Variants in EPN1 observed in about 807,000 individuals in gnomAD.
EPN1 encodes epsin 1, also known as epsin-1.
Under a neutral mutation model 56.9 loss-of-function variants are expected in EPN1, and 25 were observed. The ratio of observed to expected loss-of-function variants is 0.44; its 90% CI spans 0.32 to 0.61. The LOEUF (loss-of-function observed/expected upper bound fraction) is 0.61. Ranked by LOEUF, EPN1 falls within the 20% of genes least tolerant of loss-of-function variation. The pLI, the probability that EPN1 is intolerant of heterozygous loss-of-function variation, is 0.05. For synonymous variants in EPN1, 411 were observed against 361.8 expected, an observed-to-expected ratio of 1.14 and a Z score of -1.54; for missense variants, 785 against 823.7, an observed-to-expected ratio of 0.95 and a Z score of 0.58.
rs762490629 is a variant in EPN1 at position 55,695,364 on chromosome 19, C to T, written c.*8C>T. ...AATCCCTTCCTCCTATAATCCAGGG[C>T]GGAAGGGGGCCTGGCTCCATCCGGC... On this transcript the variant is annotated 3_prime_UTR_variant, in exon 11 of 11. Coordinates refer to ENST00000270460, the MANE Select transcript of EPN1 (RefSeq NM_001130072.2). This position sits in a 1 kb window ranked among gnomAD's most constrained non-coding sequence, Gnocchi z 4.4. The T allele has an allele frequency of 1.9e-5, 27 of 1,434,438 alleles. No homozygotes were observed. Among genetic ancestry groups the T allele is most frequent in the Middle Eastern group, 1.8e-4 (1 of 5,454 alleles). 88.9% of individuals were successfully genotyped at this position (1,434,438 alleles called of 1,614,324 possible).
chr19:55,692,182 C>T (rs1192493972), intron 7 of EPN1, 125 bp downstream of exon 7: 2 of 923,772 alleles, frequency 2.2e-6, no homozygotes, highest in Non-Finnish European at 3.0e-6. Context: ...GTCCTGGGTG[C>T]AGGGGAGGGG....
rs1214447273 is a variant in EPN1, at chr19:55,689,646, C to T, written c.679-221C>T. 6.6e-6 allele frequency among the ~76,000 whole-genome samples: 1 copy of T among 152,220 alleles called. No individual in the cohort carries two copies. The highest frequency in any genetic ancestry group is 1.5e-5 in the Non-Finnish European group (1 of 68,024). ...TACCACCGAGGCGGGTGCCCGTCCT[C>T]CCCGGGTGCGCCAGCACAGCACCCC... On this transcript the variant is annotated intron_variant, in intron 5 of 10. Coordinates refer to ENST00000270460, the MANE Select transcript of EPN1 (RefSeq NM_001130072.2). The surrounding 1 kb of genome is among the most constrained non-coding windows in gnomAD (Gnocchi z 5.7).
chr19:55,708,456 T>C lies in EPN1; in HGVS notation c.*13100T>C, dbSNP rs1233301226. ...GTAGAGATTTGGAAATGCTTTTTTATTGGACAAGAAAATTGATCAAATCGA... is the reference window on the plus strand; with the variant it reads ...GTAGAGATTTGGAAATGCTTTTTTACTGGACAAGAAAATTGATCAAATCGA... On this transcript the variant is annotated 3_prime_UTR_variant, in exon 11 of 11. Transcript: ENST00000270460. 6.6e-6 allele frequency: 1 copy of C among 152,634 alleles called. No homozygotes were observed. Among genetic ancestry groups the C allele is most frequent in the Non-Finnish European group, 1.5e-5 (1 of 68,328 alleles). 9.5% of individuals were successfully genotyped at this position (152,634 alleles called of 1,614,324 possible). A position where few individuals can be genotyped will look rare whatever the true frequency, so the allele number is the denominator to read the frequency against.
Position 55,708,734 on chromosome 19 carries a change from C to T in EPN1, c.*13378C>T, listed in dbSNP as rs1600119929. The T allele has an allele frequency of 1.1e-5, 5 of 473,648 alleles. No homozygotes were observed. Among genetic ancestry groups the T allele is most frequent in the African/African-American group, 2.0e-5 (1 of 50,486 alleles). 29.3% of individuals were successfully genotyped at this position (473,648 alleles called of 1,614,324 possible). A position where few individuals can be genotyped will look rare whatever the true frequency, so the allele number is the denominator to read the frequency against. On this transcript the variant is annotated 3_prime_UTR_variant, in exon 11 of 11. Transcript: ENST00000270460. ...AGGGGATATAGGACCGAGGCAAAGA[C>T]AATCAGCATGTACACTGAATCACAC...
chr19:55,677,614 G>A (rs1163004949), intron 1 of EPN1: 16 of 1,551,510 alleles, frequency 1.0e-5, no homozygotes, highest in Non-Finnish European at 1.3e-5. Context: ...CGAGCACCTG[G>A]CACACAGCAG....
chr19:55,704,390 A>C lies in EPN1; in HGVS notation c.*9034A>C, dbSNP rs1295375612. ...AGGTAAGTAAGGTTAAAATGAGGACATTAGGGTGGGTCCTAATCCAATCTG... is the reference window on the plus strand; with the variant it reads ...AGGTAAGTAAGGTTAAAATGAGGACCTTAGGGTGGGTCCTAATCCAATCTG... On this transcript the variant is annotated 3_prime_UTR_variant, in exon 11 of 11. Transcript: ENST00000270460. 2.0e-5 allele frequency: 3 copies of C among 152,246 alleles called. No individual in the cohort carries two copies. The highest frequency in any genetic ancestry group is 1.9e-4 in the East Asian group (1 of 5,188). The allele number at this position is 152,246 out of a possible 1,614,324, so 9.4% of individuals were successfully genotyped here.
Position 55,689,908 on chromosome 19 carries a change from G to A in EPN1, c.720G>A (p.Met240Ile). The A allele has an allele frequency of 6.2e-7, 1 of 1,606,590 alleles. No homozygotes were observed. Among genetic ancestry groups the A allele is most frequent in the Non-Finnish European group, 8.5e-7 (1 of 1,177,010 alleles). Reference sequence around the variant, plus strand: ...GCGGGGATGACCTGCGGCTGCAGATGGCAATCGAGGAGAGCAAGAGGGAGA... The same window carrying A: ...GCGGGGATGACCTGCGGCTGCAGATAGCAATCGAGGAGAGCAAGAGGGAGA... ...IRRGDDLRLQ[M>I]AIEESKRETG... The change falls in exon 6 of 11, where the codon ATG becomes ATA. Residue 240 changes from methionine (M) to isoleucine (I), a missense_variant. By Grantham distance (10) the Met-to-Ile change is conservative (BLOSUM62 1). Transcript: ENST00000270460. The surrounding 1 kb of genome is among the most constrained non-coding windows in gnomAD (Gnocchi z 5.7).
In EPN1 at chr19:55,678,686, C is replaced by A. The variant is rs774551624; in HGVS notation, c.59C>A (p.Ala20Glu). 1 of 1,614,038 alleles carries A rather than the reference C, an allele frequency of 6.2e-7. No individual in the cohort carries two copies. The highest frequency in any genetic ancestry group is 8.5e-7 in the Non-Finnish European group (1 of 1,179,980). Residue 20 changes from alanine (A) to glutamate (E), a missense_variant, in exon 2 of 11, where the codon GCG becomes GAG. This residue lies in a region of EPN1 where 135 missense variants were observed against 218.7 expected (regional missense o/e 0.62). Transcript: ENST00000270460. Reference protein sequence around the residue: ...MKNIVHNYSEAEIKVREATSN... With the variant: ...MKNIVHNYSEEEIKVREATSN... Reference sequence around the variant, plus strand: ...AACATCGTCCACAACTACTCAGAGGCGGAGATCAAGGTTCGAGAGGCCACG... The same window carrying A: ...AACATCGTCCACAACTACTCAGAGGAGGAGATCAAGGTTCGAGAGGCCACG...
rs562276057 is a variant in EPN1, at chr19:55,693,053, C to T, written c.1264+16C>T. 2 of 1,608,692 alleles carry T rather than the reference C, an allele frequency of 1.2e-6. No individual in the cohort carries two copies. The highest frequency in any genetic ancestry group is 1.3e-5 in the African/African-American group (1 of 74,970). ...AGCAGCGCAGGTGAGCCCCTGCCCT[C>T]CCCTGCCCAGTGGCGAGAGGGAGCC... is the stretch of plus-strand genomic sequence containing the variant. On this transcript the variant is annotated intron_variant, in intron 9 of 10. Coordinates refer to ENST00000270460, the MANE Select transcript of EPN1 (RefSeq NM_001130072.2).
Position 55,703,975 on chromosome 19 carries a change from C to A in EPN1, c.*8619C>A. 1 of 151,940 alleles carries A rather than the reference C, an allele frequency of 6.6e-6. No homozygotes were observed. 9.4% of individuals were successfully genotyped at this position (151,940 alleles called of 1,614,324 possible). ...ATCCCGTGCGCGCTTGTGCTCCTTC[C>A]TTCTGGGCCAGCGCGCAGACTATCA... On this transcript the variant is annotated 3_prime_UTR_variant, in exon 11 of 11. Transcript: ENST00000270460.
chr19:55,677,854 C>T, intron 1 of EPN1: 2 of 1,296,728 alleles, frequency 1.5e-6, no homozygotes, highest in Non-Finnish European at 1.0e-6. Context: ...CTTTCCTGCC[C>T]TCCCTCTCCA....
Position 55,698,809 on chromosome 19 carries a change from G to A in EPN1, c.*3453G>A, listed in dbSNP as rs150026534. 1,228 of 152,576 alleles carry A rather than the reference G, an allele frequency of 8.0e-3. 14 individuals are homozygous for A. Among genetic ancestry groups the A allele is most frequent in the African/African-American group, 0.024 (1,000 of 41,536 alleles). The allele number at this position is 152,576 out of a possible 1,614,324, so 9.5% of individuals were successfully genotyped here. ...TTGCCAGGCTGGAGTGCAGTGGCAC[G>A]ATCTCGGCTCACCGCAACCTCCACC... On this transcript the variant is annotated 3_prime_UTR_variant, in exon 11 of 11. Transcript: ENST00000270460.
At chr19:55,690,638 A>AGCT (rs1463848592) in intron 6 of EPN1, among the ~76,000 whole-genome samples, 1 of 152,058 alleles carries the variant, frequency 6.6e-6, no homozygotes, top group Non-Finnish European at 1.5e-5. Flanking sequence ...ATAGCACAGT[A>AGCT]GCTGCTGCTG....
rs1045289803 is a variant in EPN1 at position 55,692,624 on chromosome 19, C to T, written c.1067-62C>T. 8.0e-6 allele frequency: 9 copies of T among 1,130,600 alleles called. No homozygotes were observed. The Admixed American group carries it at 1.2e-4, about 15-fold the overall frequency. The allele number at this position is 1,130,600 out of a possible 1,614,324, so 70.0% of individuals were successfully genotyped here. A position where few individuals can be genotyped will look rare whatever the true frequency, so the allele number is the denominator to read the frequency against. ...CAGCCACAGATTTGGAGGCAATGGT[C>T]CTCCCTAGCCATCTGGGCAGTCAAG... On this transcript the variant is annotated intron_variant, in intron 7 of 10. Coordinates refer to ENST00000270460, the MANE Select transcript of EPN1 (RefSeq NM_001130072.2).
chr19:55,692,681 C>T lies in EPN1; in HGVS notation c.1067-5C>T, dbSNP rs1306820467. The T allele has an allele frequency of 3.3e-6, 5 of 1,528,454 alleles. 1 individual carries two copies. The highest frequency in any genetic ancestry group is 4.9e-5 in the East Asian group (2 of 40,804). The allele number at this position is 1,528,454 out of a possible 1,614,324, so 94.7% of individuals were successfully genotyped here. ...AGCCCCTCATGCTCTTCTGTCCTCA[C>T]CCAGGTGGGGTCCCGGTCAGTGGGC... On this transcript the variant is annotated splice_region_variant and splice_polypyrimidine_tract_variant and intron_variant, in intron 7 of 10. Coordinates refer to ENST00000270460, the MANE Select transcript of EPN1 (RefSeq NM_001130072.2).
Position 55,701,630 on chromosome 19 carries a change from T to G in EPN1, c.*6274T>G, listed in dbSNP as rs1221505866. 6.6e-6 allele frequency: 1 copy of G among 152,112 alleles called. No individual in the cohort carries two copies. Among genetic ancestry groups the G allele is most frequent in the Admixed American group, 6.6e-5 (1 of 15,262 alleles). The allele number at this position is 152,112 out of a possible 1,614,324, so 9.4% of individuals were successfully genotyped here. On this transcript the variant is annotated 3_prime_UTR_variant, in exon 11 of 11. Coordinates refer to ENST00000270460, the MANE Select transcript of EPN1 (RefSeq NM_001130072.2). ...TCTCCCTGTTAGACCCTTAAAATAC[T>G]GAGCTTTCGGGACCCTGCCTGGCTT...
At position 55,678,873 on chromosome 19, in the gene EPN1, C is replaced by T. The variant is rs201149471; in HGVS notation, c.228+18C>T. The T allele has an allele frequency of 2.0e-5, 31 of 1,568,442 alleles. No homozygotes were observed. In the East Asian group the frequency reaches 6.5e-4, roughly 33 times the overall value. The stretch of plus-strand genomic sequence containing the variant: ...TTTACAAGGTCAGCATCCTGCTCTC[C>T]TCCCCGGGCAGGTGCAGGGGCTCAG... On this transcript the variant is annotated intron_variant, in intron 2 of 10. Transcript: ENST00000270460.
intron 2 of EPN1, among the ~76,000 whole-genome samples, chr19:55,685,188 G>A (rs893188964): frequency 1.3e-5 from 2 of 152,250 alleles, no homozygotes. Flanking sequence ...GTACCTCCGC[G>A]GCTGGTCCCC....
rs1190199355 is a variant in EPN1 at position 55,691,602 on chromosome 19, G to C, written c.763-152G>C. Among the ~76,000 whole-genome samples, 5 of 152,034 alleles carry C rather than the reference G, an allele frequency of 3.3e-5. No individual in the cohort carries two copies. The highest frequency in any genetic ancestry group is 9.7e-5 in the African/African-American group (4 of 41,382). ...GATGAGGAGGGAGGCCAGGTGGTGT[G>C]TTTGGGGCCTGCCTCCCTCTCACCC... On this transcript the variant is annotated intron_variant, in intron 6 of 10. Coordinates refer to ENST00000270460, the MANE Select transcript of EPN1 (RefSeq NM_001130072.2). The surrounding 1 kb of genome is among the most constrained non-coding windows in gnomAD (Gnocchi z 5.6).
Sources: allele counts gnomAD v4.1 joint callset (sites outside exome capture counted in the v4.1 genomes callset), GRCh38; gene constraint gnomAD v4.1.1; regional missense constraint gnomAD v4.1.1; non-coding constraint Gnocchi (gnomAD v3.1); transcripts MANE v1.5; gene names NCBI Gene and HGNC (gene_info 2026-07-23, HGNC 2026-07-21).